The following SS18 variants were observed in gnomAD, a reference collection of about 807,000 sequenced individuals.
The protein encoded by SS18 is SS18 subunit of BAF chromatin remodeling complex.
SS18 carries 28 observed loss-of-function variants against 72.5 expected under a neutral mutation model. The ratio of observed to expected loss-of-function variants is 0.39; its 90% CI spans 0.29 to 0.53. The LOEUF (loss-of-function observed/expected upper bound fraction) is 0.53. SS18 is among the 20% of genes least tolerant of loss of function. The pLI, the probability that SS18 is intolerant of heterozygous loss-of-function variation, is 0.76. For synonymous variants in SS18, 172 were observed against 164.2 expected, an observed-to-expected ratio of 1.05 and a Z score of -0.37; for missense variants, 518 against 535.3, an observed-to-expected ratio of 0.97 and a Z score of 0.32.
At chr18:26,030,069 T>C (rs1598533072) in intron 10 of SS18, among the ~76,000 whole-genome samples, 1 of 152,324 alleles carries the variant, frequency 6.6e-6, no homozygotes, top group Non-Finnish European at 1.5e-5. Context: ...AAATCATGTA[T>C]CTATCATAGC....
At chr18:26,069,040 C>G (rs1444188704) in intron 3 of SS18, among the ~76,000 whole-genome samples, 1 of 152,164 alleles carries the variant, frequency 6.6e-6, no homozygotes, top group African/African-American at 2.4e-5. Flanking sequence ...TAGTGGATGG[C>G]ATCACCATCA....
At chr18:26,031,732 CA>C (rs1567992135) in intron 10 of SS18, among the ~76,000 whole-genome samples, 1 of 152,052 alleles carries the variant, frequency 6.6e-6, no homozygotes, top group Non-Finnish European at 1.5e-5. Context: ...AGAAGAATGA[CA>C]GGGGAGAAAT....
intron 10 of SS18, among the ~76,000 whole-genome samples, chr18:26,025,482 G>A (rs1436349797): frequency 6.6e-6 from 1 of 152,014 alleles, no homozygotes; most frequent in Non-Finnish European, 1.5e-5. Flanking sequence ...CCAGATAAAT[G>A]AGGACAAAGA....
At position 26,078,051 on chromosome 18, in the gene SS18, T is replaced by C. The variant is rs577913133; in HGVS notation, c.231+25A>G. 3.0e-5 allele frequency: 46 copies of C among 1,545,836 alleles called. 1 individual carries two copies. The South Asian group carries it at 4.0e-4, about 13-fold the overall frequency. On this transcript the variant is annotated intron_variant, in intron 3 of 10. Coordinates refer to ENST00000415083, the MANE Select transcript of SS18 (RefSeq NM_001007559.3). Reference sequence around the variant, plus strand: ...ATATGTAACTATAAAGATTGTCTACTTCACATGATTTTAAAGATACTTACT... The same window carrying C: ...ATATGTAACTATAAAGATTGTCTACCTCACATGATTTTAAAGATACTTACT...
chr18:26,081,067 C>T (rs1401992962), intron 2 of SS18, among the ~76,000 whole-genome samples: 1 of 120,016 alleles, frequency 8.3e-6, no homozygotes, highest in Non-Finnish European at 1.6e-5. Flanking sequence ...CCGGCCTGGG[C>T]GACAGAGCGA....
chr18:26,077,608 T>C (rs1183246527), intron 3 of SS18, among the ~76,000 whole-genome samples: 1 of 152,114 alleles, frequency 6.6e-6, no homozygotes, highest in African/African-American at 2.4e-5. Context: ...TTGGCTAAGA[T>C]CACGTGTAAA....
At chr18:26,055,492 A>T (rs2054001620) in intron 4 of SS18, among the ~76,000 whole-genome samples, 3 of 152,104 alleles carry the variant, frequency 2.0e-5, no homozygotes, top group African/African-American at 7.2e-5. Context: ...AGTAATTTTT[A>T]AAAAAGGGAA....
chr18:26,089,825 C>G (rs540792118), intron 1 of SS18: 9 of 152,414 alleles, frequency 5.9e-5, no homozygotes, highest in Non-Finnish European at 1.3e-4. Flanking sequence ...CATGACTCAC[C>G]ACAGTAGCCT....
chr18:26,037,798 C>A (rs1343384579), intron 7 of SS18, among the ~76,000 whole-genome samples: 1 of 152,026 alleles, frequency 6.6e-6, no homozygotes, highest in Non-Finnish European at 1.5e-5. Flanking sequence ...TTCTTCTACA[C>A]TGTATTATAA....
Position 26,027,660 on chromosome 18 carries a change from C to A in SS18, c.1230+4739G>T, listed in dbSNP as rs574723607. 4.2e-4 allele frequency among the ~76,000 whole-genome samples: 42 copies of A among 100,074 alleles called. No individual in the cohort carries two copies. In the Admixed American group the frequency reaches 6.3e-3, roughly 15 times the overall value. The allele number at this position is 100,074 out of a possible 152,430, so 65.7% of individuals were successfully genotyped here. ...GCACACCAGCCTGGTGGTGACAGAGCGAGACTCATCTAAAAAAAAAAAAAA... is the reference window on the plus strand; with the variant it reads ...GCACACCAGCCTGGTGGTGACAGAGAGAGACTCATCTAAAAAAAAAAAAAA... On this transcript the variant is annotated intron_variant, in intron 10 of 10. Coordinates refer to ENST00000415083, the MANE Select transcript of SS18 (RefSeq NM_001007559.3).
chr18:26,060,086 T>C (rs2054092364), intron 3 of SS18, among the ~76,000 whole-genome samples: 1 of 152,096 alleles, frequency 6.6e-6, no homozygotes, highest in South Asian at 2.1e-4. Context: ...TCACGCAAAA[T>C]TTCTACACAA....
At chr18:26,050,252 T>A (rs1027915011) in intron 5 of SS18, among the ~76,000 whole-genome samples, 7 of 150,478 alleles carry the variant, frequency 4.7e-5, no homozygotes, top group Non-Finnish European at 7.4e-5. Flanking sequence ...AAAAAAAAAA[T>A]TTGTGCTAAA....
intron 3 of SS18, 26 bp from the exon 4 acceptor site, chr18:26,057,768 A>T (rs1181683929): frequency 6.3e-7 from 1 of 1,576,536 alleles, no homozygotes; most frequent in South Asian, 1.2e-5. Flanking sequence ...TTAGTAAAAC[A>T]AGAGAAACAG....
rs189034443 is a variant in SS18 at position 26,041,605 on chromosome 18, T to C, written c.608-2149A>G. On this transcript the variant is annotated intron_variant, in intron 5 of 10. Transcript: ENST00000415083. ...AATAGGTAACCTGATCGGACATTTA[T>C]GTAATTCATTTTCAGTAAATGAAGG... Among the ~76,000 whole-genome samples, 361 of 152,322 alleles carry C rather than the reference T, an allele frequency of 2.4e-3. 1 individual carries two copies. The highest frequency in any genetic ancestry group is 5.9e-3 in the African/African-American group (246 of 41,562).
At chr18:26,082,679 G>A (rs1332137440) in intron 2 of SS18, among the ~76,000 whole-genome samples, 2 of 152,162 alleles carry the variant, frequency 1.3e-5, no homozygotes, top group Non-Finnish European at 2.9e-5. Context: ...CTCCACAAGT[G>A]ATTCAGACCA....
intron 10 of SS18, among the ~76,000 whole-genome samples, chr18:26,026,949 TA>T (rs1421448100): frequency 6.6e-6 from 1 of 152,016 alleles, no homozygotes. Context: ...ATGACACTGT[TA>T]AAAAAAATTT....
At chr18:26,075,006 C>T (rs542015415) in intron 3 of SS18, among the ~76,000 whole-genome samples, 11 of 151,878 alleles carry the variant, frequency 7.2e-5, no homozygotes, top group Non-Finnish European at 1.6e-4. Context: ...TATTAAAATG[C>T]TAAAAACCAC....
chr18:26,082,618 A>C, intron 2 of SS18: 1 of 591,226 alleles, frequency 1.7e-6, no homozygotes. Context: ...TCAGTAACAC[A>C]TTCTCACGTG....
intron 3 of SS18, among the ~76,000 whole-genome samples, chr18:26,063,850 G>T (rs2054167432): frequency 6.6e-6 from 1 of 152,032 alleles, no homozygotes; most frequent in South Asian, 2.1e-4. Flanking sequence ...GCCAAAAGCT[G>T]GCTGTTTGAG....
Sources: allele counts gnomAD v4.1 joint callset (sites outside exome capture counted in the v4.1 genomes callset), GRCh38; gene constraint gnomAD v4.1.1; transcripts MANE v1.5; gene names NCBI Gene and HGNC (gene_info 2026-07-23, HGNC 2026-07-21).